Variants in EIF2AK2 observed in about 807,000 individuals in gnomAD.
EIF2AK2 encodes the protein interferon-induced, double-stranded RNA-activated protein kinase.
EIF2AK2 carries 40 observed loss-of-function variants against 70.5 expected under a neutral mutation model. The observed-to-expected ratio is 0.57, with a 90% CI of 0.44 to 0.74. EIF2AK2 has a LOEUF of 0.74. Ranked by LOEUF, EIF2AK2 falls within the 30% of genes least tolerant of loss-of-function variation. EIF2AK2 has a pLI of 0.00. For missense variants in EIF2AK2, 555 were observed against 644.3 expected, an observed-to-expected ratio of 0.86 and a Z score of 1.50; for synonymous variants, 198 against 220.9, an observed-to-expected ratio of 0.90 and a Z score of 0.92.
At chr2:37,113,827 T>C (rs936504610) in intron 14 of EIF2AK2, among the ~76,000 whole-genome samples, 1 of 152,236 alleles carries the variant, frequency 6.6e-6, no homozygotes, top group African/African-American at 2.4e-5. Flanking sequence ...GAGAGTATGA[T>C]GATGCAGTAT....
intron 1 of EIF2AK2, among the ~76,000 whole-genome samples, chr2:37,153,341 T>TTTTTTTTC (rs2148719577): frequency 7.0e-6 from 1 of 142,008 alleles, no homozygotes; most frequent in Non-Finnish European, 1.6e-5. Context: ...GCTAATCTTT[T>TTTTTTTTC]TTTTTTTTTT....
At chr2:37,122,359 C>A in intron 12 of EIF2AK2, 147 bp downstream of exon 12, 2 of 918,554 alleles carry the variant, frequency 2.2e-6, no homozygotes, top group South Asian at 1.8e-5. Flanking sequence ...TTTCTCCTTA[C>A]CTTCGGAATG....
intron 1 of EIF2AK2, among the ~76,000 whole-genome samples, chr2:37,153,759 T>C (rs1675825909): frequency 2.0e-5 from 3 of 152,346 alleles, no homozygotes; most frequent in Admixed American, 6.5e-5. Context: ...TTTCAACCTT[T>C]TGGCCATCTT....
At chr2:37,110,348 A>C (rs1674103962) in intron 14 of EIF2AK2, among the ~76,000 whole-genome samples, 1 of 151,718 alleles carries the variant, frequency 6.6e-6, no homozygotes, top group Non-Finnish European at 1.5e-5. Context: ...TGCCCACCTC[A>C]GCCTCCCAAA....
rs1279550084 is a variant in EIF2AK2 at position 37,133,094 on chromosome 2, T to A, written c.785+2390A>T. ...TCACCTGGAAGCTACACATCCCCTA[T>A]CAACCCCAGTCTTCAGGAAAGGTTG... On this transcript the variant is annotated intron_variant, in intron 10 of 16. Coordinates refer to ENST00000233057, the MANE Select transcript of EIF2AK2 (RefSeq NM_001135651.3). 6.6e-5 allele frequency among the ~76,000 whole-genome samples: 10 copies of A among 152,220 alleles called. No homozygotes were observed. In the East Asian group the frequency reaches 1.9e-3, roughly 29 times the overall value.
In EIF2AK2 at chr2:37,111,933, C is replaced by A. The variant is rs767917094; in HGVS notation, c.1378-2638G>T. 5.2e-3 allele frequency among the ~76,000 whole-genome samples: 702 copies of A among 134,050 alleles called. 3 individuals carry two copies. Among genetic ancestry groups the A allele is most frequent in the Non-Finnish European group, 7.0e-3 (446 of 63,890 alleles). 87.9% of individuals were successfully genotyped at this position (134,050 alleles called of 152,430 possible). A position where few individuals can be genotyped will look rare whatever the true frequency, so the allele number is the denominator to read the frequency against. Reference sequence around the variant, plus strand: ...TATATCATAATAAATCTCTCTCTCTCTCTCTCTATATATATATATATATAG... The same window carrying A: ...TATATCATAATAAATCTCTCTCTCTATCTCTCTATATATATATATATATAG... On this transcript the variant is annotated intron_variant, in intron 14 of 16. Coordinates refer to ENST00000233057, the MANE Select transcript of EIF2AK2 (RefSeq NM_001135651.3).
intron 10 of EIF2AK2, among the ~76,000 whole-genome samples, chr2:37,131,371 G>A (rs1033246820): frequency 1.3e-5 from 2 of 152,076 alleles, no homozygotes; most frequent in Non-Finnish European, 2.9e-5. Flanking sequence ...ACAAAACCTG[G>A]CCCCTTTGCT....
intron 13 of EIF2AK2, 87 bp downstream of exon 13, chr2:37,119,872 G>A (rs1008863849): frequency 1.4e-5 from 11 of 783,450 alleles, no homozygotes; most frequent in South Asian, 1.3e-4. Context: ...GATTATAGGC[G>A]TGAGCCACTG....
intron 10 of EIF2AK2, among the ~76,000 whole-genome samples, chr2:37,132,373 C>T (rs567485345): frequency 3.9e-4 from 60 of 152,172 alleles, no homozygotes; most frequent in African/African-American, 1.1e-3. Flanking sequence ...GGGCGGATCA[C>T]GAGGTCAGGA....
intron 4 of EIF2AK2, among the ~76,000 whole-genome samples, chr2:37,146,062 T>C (rs1228321202): frequency 6.6e-6 from 1 of 152,160 alleles, no homozygotes; most frequent in African/African-American, 2.4e-5. Flanking sequence ...CCTTTTGTCT[T>C]TTATACTGTA....
At chr2:37,135,418 A>G in intron 10 of EIF2AK2, 66 bp downstream of exon 10, 1 of 1,344,142 alleles carries the variant, frequency 7.4e-7, no homozygotes. Context: ...CATTTCACAG[A>G]CAACTACCAA....
chr2:37,152,716 C>A (rs543851114), intron 1 of EIF2AK2, among the ~76,000 whole-genome samples: 1 of 152,194 alleles, frequency 6.6e-6, no homozygotes, highest in African/African-American at 2.4e-5. Flanking sequence ...ATCATCTATA[C>A]GCCATTACCT....
At chr2:37,127,158 G>A (rs1343090695) in intron 10 of EIF2AK2, among the ~76,000 whole-genome samples, 2 of 151,996 alleles carry the variant, frequency 1.3e-5, no homozygotes, top group African/African-American at 4.8e-5. Context: ...CAAGCTTCGT[G>A]TTCCATCATT....
At chr2:37,137,835 G>A (rs578235369) in intron 8 of EIF2AK2, among the ~76,000 whole-genome samples, 41 of 152,212 alleles carry the variant, frequency 2.7e-4, no homozygotes, top group Non-Finnish European at 4.7e-4. Flanking sequence ...CTGCCGAGCC[G>A]GGCGCGGTGG....
Position 37,129,722 on chromosome 2 carries a change from T to C in EIF2AK2, c.786-3311A>G, listed in dbSNP as rs561492241. On this transcript the variant is annotated intron_variant, in intron 10 of 16. Coordinates refer to ENST00000233057, the MANE Select transcript of EIF2AK2 (RefSeq NM_001135651.3). ...CAAAACACTGCCTCTATATTGCTCA[T>C]TTCAGGGAGTCACCCTCACTCACTC... Among the ~76,000 whole-genome samples, 53 of 152,258 alleles carry C rather than the reference T, an allele frequency of 3.5e-4. No individual in the cohort carries two copies. The East Asian group carries it at 9.8e-3, about 28-fold the overall frequency.
At chr2:37,123,162 T>G (rs1674615087) in intron 11 of EIF2AK2, among the ~76,000 whole-genome samples, 1 of 152,008 alleles carries the variant, frequency 6.6e-6, no homozygotes, top group African/African-American at 2.4e-5. Flanking sequence ...AGCAAGACTC[T>G]GTCTCAAAAA....
chr2:37,140,007 G>A (rs1318363935), intron 5 of EIF2AK2, among the ~76,000 whole-genome samples: 1 of 150,876 alleles, frequency 6.6e-6, no homozygotes, highest in Non-Finnish European at 1.5e-5. Flanking sequence ...TTGCTTTGCT[G>A]AAAGATCTGG....
chr2:37,102,937 T>C lies in EIF2AK2; in HGVS notation c.*4336A>G, dbSNP rs1467563440. On this transcript the variant is annotated 3_prime_UTR_variant, in exon 17 of 17. Coordinates refer to ENST00000233057, the MANE Select transcript of EIF2AK2 (RefSeq NM_001135651.3). ...CGTATTTAAATAACATGTGGTTTAG[T>C]GATAAAAATTCCCTAAAAGGTATGT... 1 of 152,086 alleles carries C rather than the reference T, an allele frequency of 6.6e-6. No homozygotes were observed. Among genetic ancestry groups the C allele is most frequent in the Non-Finnish European group, 1.5e-5 (1 of 68,016 alleles). The allele number at this position is 152,086 out of a possible 1,614,324, so 9.4% of individuals were successfully genotyped here.
In EIF2AK2 at chr2:37,105,090, C is replaced by T. The variant is rs1673921180; in HGVS notation, c.*2183G>A. On this transcript the variant is annotated 3_prime_UTR_variant, in exon 17 of 17. Transcript: ENST00000233057. ...AAATCTATGAACTGCTCTTTATGAA[C>T]ACTTTTTAAAGCCTTTATAAAACTA... The T allele has an allele frequency of 6.6e-6, 1 of 152,206 alleles. No individual in the cohort carries two copies. Among genetic ancestry groups the T allele is most frequent in the Admixed American group, 6.5e-5 (1 of 15,280 alleles). The allele number at this position is 152,206 out of a possible 1,614,324, so 9.4% of individuals were successfully genotyped here. A position where few individuals can be genotyped will look rare whatever the true frequency, so the allele number is the denominator to read the frequency against.
Sources: allele counts gnomAD v4.1 joint callset (sites outside exome capture counted in the v4.1 genomes callset), GRCh38; gene constraint gnomAD v4.1.1; transcripts MANE v1.5; gene names NCBI Gene and HGNC (gene_info 2026-07-23, HGNC 2026-07-21).